The following CACNA1G variants were observed in gnomAD, a reference collection of about 807,000 sequenced individuals.
CACNA1G encodes voltage-dependent T-type calcium channel subunit alpha-1G.
In CACNA1G, 67 loss-of-function variants were observed where a neutral mutation model predicts 219.4. The ratio of observed to expected loss-of-function variants is 0.31; its 90% CI spans 0.25 to 0.37. CACNA1G has a LOEUF of 0.37. Ranked by LOEUF, CACNA1G falls within the 10% of genes least tolerant of loss-of-function variation. The probability of loss-of-function intolerance (pLI) is 1.00; values close to 1 mark genes in which losing one functional copy is unlikely to be tolerated. For missense variants in CACNA1G, 2,380 were observed against 3,231.4 expected (o/e 0.74, Z 6.39); for synonymous variants, 1,296 against 1,345.3 (o/e 0.96, Z 0.80).
In CACNA1G at chr17:50,624,347, C is replaced by T. The variant is rs1386206719; in HGVS notation, c.6230-13C>T. 3 of 1,550,330 alleles carry T rather than the reference C, an allele frequency of 1.9e-6. No homozygotes were observed. In the East Asian group the frequency reaches 7.2e-5, roughly 37 times the overall value. Reference sequence around the variant, plus strand: ...TCTCCCCCCACCCCTCCCCCGCTTCCCTCCCTCCACAGGCTCCGTCTTGTC... The same window carrying T: ...TCTCCCCCCACCCCTCCCCCGCTTCTCTCCCTCCACAGGCTCCGTCTTGTC... On this transcript the variant is annotated splice_polypyrimidine_tract_variant and intron_variant, in intron 36 of 37. Transcript: ENST00000359106.
At chr17:50,568,369 G>C (rs944261205) in intron 1 of CACNA1G, among the ~76,000 whole-genome samples, 1 of 152,216 alleles carries the variant, frequency 6.6e-6, no homozygotes, top group Admixed American at 6.5e-5. Context: ...ATCTACCCCA[G>C]ATATTTCACA....
In CACNA1G at chr17:50,623,685, C is replaced by T. The variant is rs906100599; in HGVS notation, c.6061-222C>T. On this transcript the variant is annotated intron_variant, in intron 35 of 37. Coordinates refer to ENST00000359106, the MANE Select transcript of CACNA1G (RefSeq NM_018896.5). ...AGGGCCTGCAGACTCTCCCGGCTGC[C>T]CAGACCCCCTCCTACCTGCTTCCTC... 2.0e-5 allele frequency among the ~76,000 whole-genome samples: 3 copies of T among 152,148 alleles called. No homozygotes were observed. The South Asian group carries it at 6.2e-4, about 32-fold the overall frequency.
At chr17:50,573,206 T>C (rs776581102) in intron 7 of CACNA1G, 93 bp downstream of exon 7, 2 of 902,434 alleles carry the variant, frequency 2.2e-6, no homozygotes, top group Non-Finnish European at 3.6e-6. Flanking sequence ...CTGTCTGAAG[T>C]TTTTAGCTCT....
At chr17:50,624,165 A>G in intron 36 of CACNA1G, 90 bp downstream of exon 36, 1 of 1,482,888 alleles carries the variant, frequency 6.7e-7, no homozygotes, top group South Asian at 1.2e-5. Context: ...TGGGGAACTG[A>G]GGCAGCCAAA....
intron 4 of CACNA1G, 56 bp downstream of exon 4, chr17:50,569,859 A>T: frequency 1.5e-6 from 2 of 1,326,618 alleles, no homozygotes; most frequent in Non-Finnish European, 2.1e-6. Context: ...GAAATGTGGA[A>T]CTCTCAGACC....
At position 50,596,487 on chromosome 17, in the gene CACNA1G, G is replaced by C; in HGVS notation, c.2980-75G>C. 2 of 1,185,114 alleles carry C rather than the reference G, an allele frequency of 1.7e-6. No individual in the cohort carries two copies. The highest frequency in any genetic ancestry group is 2.5e-5 in the South Asian group (2 of 80,652). The allele number at this position is 1,185,114 out of a possible 1,614,324, so 73.4% of individuals were successfully genotyped here. A position where few individuals can be genotyped will look rare whatever the true frequency, so the allele number is the denominator to read the frequency against. ...CCTATATGTGGTGTGCGTGTGTGAA[G>C]AGAGGGAGGCCCGGTCCATCCCAAC... On this transcript the variant is annotated intron_variant, in intron 14 of 37. Transcript: ENST00000359106. This position sits in a 1 kb window ranked among gnomAD's most constrained non-coding sequence, Gnocchi z 4.8.
chr17:50,624,115 A>T (rs2052989026), intron 36 of CACNA1G, 40 bp downstream of exon 36: 1 of 1,594,780 alleles, frequency 6.3e-7, no homozygotes, highest in South Asian at 1.1e-5. Flanking sequence ...TCACACAGGG[A>T]GATTCCATCC....
At position 50,573,348 on chromosome 17, in the gene CACNA1G, G is replaced by A. The variant is rs4794164; in HGVS notation, c.1140+235G>A. On this transcript the variant is annotated intron_variant, in intron 7 of 37. Coordinates refer to ENST00000359106, the MANE Select transcript of CACNA1G (RefSeq NM_018896.5). ...CCTTGGGCAAGTCATTCTCCATGAG[G>A]CCTCCAGCACTGCTCTGGGCCTCTG... is the stretch of plus-strand genomic sequence containing the variant. The A allele has an allele frequency of 2.0e-3, 1,044 of 519,072 alleles. 32 individuals carry two copies. The Admixed American group carries it at 0.031, about 16-fold the overall frequency. The allele number at this position is 519,072 out of a possible 1,614,324, so 32.2% of individuals were successfully genotyped here.
chr17:50,608,727 C>G (rs1376789040), intron 25 of CACNA1G, among the ~76,000 whole-genome samples: 3 of 152,104 alleles, frequency 2.0e-5, no homozygotes, highest in Non-Finnish European at 4.4e-5. Context: ...TCCTCATGCC[C>G]TTATGCCATG....
intron 13 of CACNA1G, among the ~76,000 whole-genome samples, chr17:50,592,565 G>A (rs140114894): frequency 6.6e-6 from 1 of 152,234 alleles, no homozygotes; most frequent in Non-Finnish European, 1.5e-5. Context: ...GGTGAGAAAT[G>A]AGCCCAATTA....
chr17:50,587,282 T>C (rs2043183160), intron 9 of CACNA1G, among the ~76,000 whole-genome samples: 1 of 152,128 alleles, frequency 6.6e-6, no homozygotes, highest in Admixed American at 6.5e-5. Context: ...CCTCGGAGCC[T>C]CAGTTTCCCA....
rs1247906986 is a variant in CACNA1G, at chr17:50,617,604, G to T, written c.5155+33G>T. On this transcript the variant is annotated intron_variant, in intron 29 of 37. Coordinates refer to ENST00000359106, the MANE Select transcript of CACNA1G (RefSeq NM_018896.5). The surrounding 1 kb of genome is among the most constrained non-coding windows in gnomAD (Gnocchi z 5.8). ...CCCAGCCCACGCACCTGCCCTCCTA[G>T]GGTGACCAGCCCAGGGAGAGAGAGC... 2 of 1,608,244 alleles carry T rather than the reference G, an allele frequency of 1.2e-6. No individual in the cohort carries two copies. The highest frequency in any genetic ancestry group is 1.1e-5 in the South Asian group (1 of 90,480).
At chr17:50,616,526 G>A (rs2050643708) in intron 28 of CACNA1G, 142 bp downstream of exon 28, 1 of 551,190 alleles carries the variant, frequency 1.8e-6, no homozygotes, top group Admixed American at 3.2e-5. Flanking sequence ...CTGACGTAGG[G>A]GACTAGGGGA....
rs773170206 is a variant in CACNA1G, at chr17:50,602,497, C to G, written c.3916-323C>G. ...ATCCTGCCCCAGTTTTTAAAAGGAA[C>G]CAGGGAATAGGGCTTAGGACGTGGG... On this transcript the variant is annotated intron_variant, in intron 19 of 37. Transcript: ENST00000359106. Among the ~76,000 whole-genome samples, 3 of 152,194 alleles carry G rather than the reference C, an allele frequency of 2.0e-5. No homozygotes were observed. The South Asian group carries it at 6.2e-4, about 32-fold the overall frequency.
At position 50,596,051 on chromosome 17, in the gene CACNA1G, G is replaced by A. The variant is rs1421876233; in HGVS notation, c.2980-511G>A. ...TTGGGGAAGATGAAGGGAAGACACC[G>A]AGGGACTGAAGTGGCGTCCTCGGGC... is the stretch of plus-strand genomic sequence containing the variant. On this transcript the variant is annotated intron_variant, in intron 14 of 37. Coordinates refer to ENST00000359106, the MANE Select transcript of CACNA1G (RefSeq NM_018896.5). The surrounding 1 kb of genome is among the most constrained non-coding windows in gnomAD (Gnocchi z 4.8). Among the ~76,000 whole-genome samples the A allele has an allele frequency of 1.3e-5, 2 of 152,174 alleles. No homozygotes were observed. Among genetic ancestry groups the A allele is most frequent in the African/African-American group, 4.8e-5 (2 of 41,430 alleles).
At chr17:50,595,360 G>A (rs1224190743) in intron 14 of CACNA1G, among the ~76,000 whole-genome samples, 3 of 152,342 alleles carry the variant, frequency 2.0e-5, no homozygotes, top group African/African-American at 4.8e-5. Flanking sequence ...CTGTGTGCAC[G>A]TGTGTGGGGC....
In CACNA1G at chr17:50,618,908, G is replaced by C. The variant is rs759363715; in HGVS notation, c.5681G>C (p.Gly1894Ala). 1 of 1,608,602 alleles carries C rather than the reference G, an allele frequency of 6.2e-7. No individual in the cohort carries two copies. Among genetic ancestry groups the C allele is most frequent in the African/African-American group, 1.3e-5 (1 of 74,798 alleles). ...CTGGGCAGCCCCTTCCTCTGGCCTG[G>C]GGTCGAGGGCCCCGACAGCCCCGAC... Reference protein sequence around the residue: ...SPLGSPFLWPGVEGPDSPDSP... With the variant: ...SPLGSPFLWPAVEGPDSPDSP... Residue 1894 changes from glycine (G) to alanine (A), a missense_variant, in exon 33 of 38, where the codon GGG becomes GCG. Gly to Ala is a moderately conservative substitution (Grantham distance 60). Around this residue, in one of 17 missense-constraint regions of CACNA1G, gnomAD observed 672 missense variants for 670.5 expected, o/e 1.00. Coordinates refer to ENST00000359106, the MANE Select transcript of CACNA1G (RefSeq NM_018896.5). The surrounding 1 kb of genome is among the most constrained non-coding windows in gnomAD (Gnocchi z 5.3).
chr17:50,571,215 T>C lies in CACNA1G; in HGVS notation c.587-663T>C, dbSNP rs1433823818. On this transcript the variant is annotated intron_variant, in intron 4 of 37. Coordinates refer to ENST00000359106, the MANE Select transcript of CACNA1G (RefSeq NM_018896.5). This position sits in a 1 kb window ranked among gnomAD's most constrained non-coding sequence, Gnocchi z 4.3. Reference sequence around the variant, plus strand: ...TTGGGGATCTGGACCAAGCAGGGAATAGTTTCAGGGAAGCAGGGCTCAGAG... The same window carrying C: ...TTGGGGATCTGGACCAAGCAGGGAACAGTTTCAGGGAAGCAGGGCTCAGAG... 6.6e-6 allele frequency among the ~76,000 whole-genome samples: 1 copy of C among 152,192 alleles called. No individual in the cohort carries two copies. The highest frequency in any genetic ancestry group is 1.5e-5 in the Non-Finnish European group (1 of 68,032).
chr17:50,606,822 G>A (rs1373492444), intron 23 of CACNA1G, 78 bp from the exon 24 acceptor site: 2 of 997,796 alleles, frequency 2.0e-6, no homozygotes, highest in Non-Finnish European at 3.2e-6. Flanking sequence ...GATGCAGGAG[G>A]CACTTTGGGG....
Sources: gnomAD v4.1 joint callset for allele counts (sites outside exome capture counted in the v4.1 genomes callset) on GRCh38, gnomAD v4.1.1 for gene constraint, gnomAD v4.1.1 regional missense constraint, Gnocchi (gnomAD v3.1) non-coding constraint, MANE v1.5 for transcripts, NCBI Gene and HGNC (gene_info 2026-07-23, HGNC 2026-07-21) for gene names.